ALG12: variants seen among roughly 807,000 people sequenced by gnomAD.
The protein encoded by ALG12 is dol-P-Man:Man(7)GlcNAc(2)-PP-Dol alpha-1,6-mannosyltransferase.
In ALG12, 36 loss-of-function variants were observed where a neutral mutation model predicts 46.0. The ratio of observed to expected loss-of-function variants is 0.78; its 90% CI spans 0.60 to 1.03. The LOEUF is 1.03. Among genes scored for constraint, ALG12 ranks in the 50% least tolerant of loss-of-function variants. The pLI is 0.00. For missense variants in ALG12, 599 were observed against 633.5 expected (o/e 0.95, Z 0.58); for synonymous variants, 326 against 291.6 (o/e 1.12, Z -1.20).
the ALG12 span, among the ~76,000 whole-genome samples, chr22:49,878,951 T>C: frequency 9.7e-4 from 148 of 151,872 alleles, no homozygotes; most frequent in Admixed American, 3.0e-3. Context: ...GAGACCATCG[T>C]GGCCAACATG....
chr22:49,874,007 C>T, the ALG12 span, among the ~76,000 whole-genome samples: 4 of 152,248 alleles, frequency 2.6e-5, no homozygotes, highest in African/African-American at 7.2e-5. Flanking sequence ...AGCTTGAGTC[C>T]TGTGACCTCT....
the ALG12 span, among the ~76,000 whole-genome samples, chr22:49,894,817 C>T: frequency 3.9e-5 from 6 of 152,258 alleles, no homozygotes; most frequent in Non-Finnish European, 4.4e-5. Flanking sequence ...CGGCCGTCTC[C>T]TCCCTGGTTG....
the ALG12 span, among the ~76,000 whole-genome samples, chr22:49,891,923 A>T: frequency 8.5e-3 from 1,300 of 152,292 alleles, 89 homozygotes; most frequent in East Asian, 0.14. Flanking sequence ...AGCAACTGCT[A>T]TCAGACCAAA....
the ALG12 span, among the ~76,000 whole-genome samples, chr22:49,864,973 G>A: frequency 2.0e-5 from 2 of 101,970 alleles, no homozygotes; most frequent in African/African-American, 8.4e-5. Context: ...AAACCACGGA[G>A]TCCAGCTATT....
At chr22:49,885,987 G>C in the ALG12 span, 1 of 696,394 alleles carries the variant, frequency 1.4e-6, no homozygotes, top group Non-Finnish European at 2.6e-6. Flanking sequence ...TGTCGCAGGT[G>C]GACTGCGACT....
At chr22:49,907,205 T>C (rs2060547213) in intron 7 of ALG12, among the ~76,000 whole-genome samples, 1 of 152,104 alleles carries the variant, frequency 6.6e-6, no homozygotes, top group East Asian at 1.9e-4. Flanking sequence ...TTCCTCTACC[T>C]GACCTGTCGC....
the ALG12 span, chr22:49,889,603 T>G: frequency 6.0e-6 from 1 of 167,212 alleles, no homozygotes; most frequent in Non-Finnish European, 1.5e-5. Context: ...ATATGGCCCT[T>G]CCTGAATGAC....
chr22:49,876,528 A>G, the ALG12 span, among the ~76,000 whole-genome samples: 1 of 151,930 alleles, frequency 6.6e-6, no homozygotes, highest in African/African-American at 2.4e-5. Context: ...GTTGTTTGTT[A>G]TATTTAGTAT....
chr22:49,885,921 C>T, the ALG12 span: 34 of 911,474 alleles, frequency 3.7e-5, no homozygotes, highest in African/African-American at 4.9e-5. Flanking sequence ...GGGTTTCCTT[C>T]GAGTCGCCAG....
At chr22:49,886,226 A>C in the ALG12 span, 1 of 884,100 alleles carries the variant, frequency 1.1e-6, no homozygotes, top group Non-Finnish European at 1.8e-6. The surrounding 1 kb of genome is among the most constrained non-coding windows in gnomAD (Gnocchi z 7.7). Context: ...CTCGCCCGGA[A>C]GATCTGCGAG....
the ALG12 span, chr22:49,885,198 G>T: frequency 6.2e-7 from 1 of 1,613,964 alleles, no homozygotes. Context: ...TCGGGAGCCA[G>T]AAGGGCTTCC....
chr22:49,863,610 A>AGCG, the ALG12 span, among the ~76,000 whole-genome samples: 1 of 148,208 alleles, frequency 6.7e-6, no homozygotes. Flanking sequence ...CTGGGGACAG[A>AGCG]GCGAGACTCC....
At chr22:49,882,484 C>T in the ALG12 span, among the ~76,000 whole-genome samples, 4 of 152,182 alleles carry the variant, frequency 2.6e-5, no homozygotes, top group Admixed American at 6.5e-5. Context: ...TGCCATATTA[C>T]TGAAAACATG....
At chr22:49,908,245 G>A (rs541155665) in intron 6 of ALG12, among the ~76,000 whole-genome samples, 1 of 152,118 alleles carries the variant, frequency 6.6e-6, no homozygotes, top group African/African-American at 2.4e-5. Context: ...AAAACAGATG[G>A]TCGGCCGGGC....
chr22:49,889,818 T>G, the ALG12 span: 1 of 167,092 alleles, frequency 6.0e-6, no homozygotes, highest in South Asian at 2.1e-4. Context: ...AATATGTTGA[T>G]TCTTAGCCAT....
At chr22:49,894,557 C>T in the ALG12 span, among the ~76,000 whole-genome samples, 5 of 152,194 alleles carry the variant, frequency 3.3e-5, no homozygotes, top group Non-Finnish European at 7.3e-5. Context: ...GGCAGGAGGA[C>T]TCATTAGAGA....
At chr22:49,909,186 C>T (rs185259665) in intron 6 of ALG12, 58 bp downstream of exon 6, 2 of 1,549,676 alleles carry the variant, frequency 1.3e-6, no homozygotes, top group East Asian at 2.2e-5. Flanking sequence ...CATGGAGGCC[C>T]AGGAGATGTG....
At chr22:49,886,417 C>G in the ALG12 span, 2 of 1,599,516 alleles carry the variant, frequency 1.3e-6, no homozygotes, top group Non-Finnish European at 1.7e-6. This position sits in a 1 kb window ranked among gnomAD's most constrained non-coding sequence, Gnocchi z 7.7. Context: ...GTGTAACTTC[C>G]GAGAGCTGAT....
At position 49,903,900 on chromosome 22, in the gene ALG12, G is replaced by C; in HGVS notation, c.1405C>G (p.Pro469Ala). Residue 469 changes from proline to alanine, a missense_variant, in exon 10 of 10, where the codon CCC (proline) becomes GCC (alanine). Physicochemically the swap from Pro to Ala is conservative, Grantham distance 27 (BLOSUM62 -1). Coordinates refer to ENST00000330817, the MANE Select transcript of ALG12 (RefSeq NM_024105.4). ...TTTGTCTGCAGGTGGACGTTGAAGG[G>C]GGGCAGTTGGGTCAGGTTCAGACTC... ...GVSLNLTQLP[P>A]FNVHLQTKLV... is the part of the protein sequence containing the mutation. The C allele has an allele frequency of 6.2e-7, 1 of 1,614,256 alleles. No individual in the cohort carries two copies. Among genetic ancestry groups the C allele is most frequent in the Non-Finnish European group, 8.5e-7 (1 of 1,180,036 alleles).
Sources: gnomAD v4.1 joint callset for allele counts (sites outside exome capture counted in the v4.1 genomes callset) on GRCh38, gnomAD v4.1.1 for gene constraint, Gnocchi (gnomAD v3.1) non-coding constraint, MANE v1.5 for transcripts, NCBI Gene and HGNC (gene_info 2026-07-23, HGNC 2026-07-21) for gene names.